The following HGF variants were observed in gnomAD, a reference collection of about 807,000 sequenced individuals.
The protein encoded by HGF is fibroblast-derived tumor cytotoxic factor.
In HGF, 39 loss-of-function variants were observed where a neutral mutation model predicts 111.6. The ratio of observed to expected loss-of-function variants is 0.35; its 90% CI spans 0.27 to 0.46. The LOEUF (loss-of-function observed/expected upper bound fraction) is 0.46. Ranked by LOEUF, HGF falls within the 20% of genes least tolerant of loss-of-function variation. HGF has a pLI of 1.00. For missense variants in HGF, 735 were observed against 910.5 expected (o/e 0.81, Z 2.48); for synonymous variants, 285 against 294.8 (o/e 0.97, Z 0.34).
At chr7:81,729,403 A>G (rs926187360) in intron 8 of HGF, among the ~76,000 whole-genome samples, 19 of 152,182 alleles carry the variant, frequency 1.2e-4, no homozygotes, top group Admixed American at 7.9e-4. Flanking sequence ...TAGGGTCCTT[A>G]ATGAAATGCA....
rs1301786183 is a variant in HGF, at chr7:81,707,458, AAT to A, written c.1542-96_1542-95del. The A allele has an allele frequency of 5.3e-6, 4 of 749,176 alleles. No homozygotes were observed. The East Asian group carries it at 1.0e-4, about 19-fold the overall frequency. 46.4% of individuals were successfully genotyped at this position (749,176 alleles called of 1,614,324 possible). ...CCTGTGGCTCCATTTGTTAAAAATA[AAT>A]ACACTGCAGAGGAAAATATAGAAAT... On this transcript the variant is annotated intron_variant, in intron 13 of 17. Coordinates refer to ENST00000222390, the MANE Select transcript of HGF (RefSeq NM_000601.6).
chr7:81,751,028 G>A (rs776755908), intron 5 of HGF: 74 of 984,566 alleles, frequency 7.5e-5, no homozygotes, highest in Middle Eastern at 1.0e-3. Flanking sequence ...AGCACATAAA[G>A]TCAAGGATTT....
At chr7:81,766,681 T>G (rs1789373727) in intron 1 of HGF, among the ~76,000 whole-genome samples, 1 of 152,134 alleles carries the variant, frequency 6.6e-6, no homozygotes, top group African/African-American at 2.4e-5. Flanking sequence ...CCTAGGTATT[T>G]TCTTCCTTCT....
intron 4 of HGF, among the ~76,000 whole-genome samples, chr7:81,754,403 T>C (rs1194467958): frequency 1.3e-5 from 2 of 151,948 alleles, no homozygotes; most frequent in African/African-American, 4.8e-5. Flanking sequence ...GATACACCCA[T>C]ATACCTTTCC....
chr7:81,713,374 A>C (rs914941422), intron 11 of HGF, among the ~76,000 whole-genome samples: 3 of 151,970 alleles, frequency 2.0e-5, no homozygotes, highest in African/African-American at 4.8e-5. Context: ...AAAATACAAA[A>C]AATCAGCCAG....
chr7:81,723,912 A>G (rs1789940844), intron 9 of HGF, among the ~76,000 whole-genome samples: 1 of 151,932 alleles, frequency 6.6e-6, no homozygotes, highest in Non-Finnish European at 1.5e-5. Flanking sequence ...ATCTATCTGT[A>G]GATATATCTG....
At chr7:81,703,130 A>G (rs1438768655) in intron 17 of HGF, among the ~76,000 whole-genome samples, 2 of 151,672 alleles carry the variant, frequency 1.3e-5, no homozygotes, top group East Asian at 3.9e-4. Flanking sequence ...TCTTATGTTC[A>G]ATATAGGAAA....
At chr7:81,744,934 G>A in intron 6 of HGF, 66 bp downstream of exon 6, 5 of 1,518,000 alleles carry the variant, frequency 3.3e-6, no homozygotes, top group Non-Finnish European at 4.6e-6. Flanking sequence ...TTCCACAGCA[G>A]TGTGTCATAG....
At position 81,758,819 on chromosome 7, in the gene HGF, A is replaced by C; in HGVS notation, c.255-15T>G. 1 of 1,506,066 alleles carries C rather than the reference A, an allele frequency of 6.6e-7. No individual in the cohort carries two copies. Among genetic ancestry groups the C allele is most frequent in the Non-Finnish European group, 9.2e-7 (1 of 1,082,474 alleles). 93.3% of individuals were successfully genotyped at this position (1,506,066 alleles called of 1,614,324 possible). ...AAACAAAAGCCCTGAAAAAAATATC[A>C]GAATGAAAAGAAGAAATACTACTAT... is the stretch of plus-strand genomic sequence containing the variant. On this transcript the variant is annotated splice_polypyrimidine_tract_variant and intron_variant, in intron 2 of 17. Transcript: ENST00000222390.
chr7:81,717,135 G>T, intron 11 of HGF, 97 bp downstream of exon 11: 2 of 1,233,776 alleles, frequency 1.6e-6, no homozygotes, highest in South Asian at 1.2e-5. Flanking sequence ...CCTCATTTGG[G>T]AATAAATGCC....
chr7:81,744,472 C>T (rs1407140817), intron 6 of HGF, among the ~76,000 whole-genome samples: 1 of 152,088 alleles, frequency 6.6e-6, no homozygotes, highest in Non-Finnish European at 1.5e-5. Context: ...CTTTTTACTC[C>T]CTATGACCAC....
Position 81,700,979 on chromosome 7 carries a change from T to C in HGF, c.*1602A>G, listed in dbSNP as rs887130141. On this transcript the variant is annotated 3_prime_UTR_variant, in exon 18 of 18. Coordinates refer to ENST00000222390, the MANE Select transcript of HGF (RefSeq NM_000601.6). ...ACTCAAGAAAACTAAGTCAGAGAAA[T>C]GGGACTACTGGATTCACACCATTCA... 7.9e-5 allele frequency: 12 copies of C among 151,568 alleles called. No individual in the cohort carries two copies. Among genetic ancestry groups the C allele is most frequent in the African/African-American group, 2.9e-4 (12 of 41,366 alleles). The allele number at this position is 151,568 out of a possible 1,614,324, so 9.4% of individuals were successfully genotyped here.
chr7:81,727,805 T>C (rs1290461136), intron 8 of HGF, among the ~76,000 whole-genome samples: 1 of 147,842 alleles, frequency 6.8e-6, no homozygotes, highest in Non-Finnish European at 1.5e-5. Context: ...GCTATCAAAG[T>C]CTTAGTTTGG....
At chr7:81,761,080 T>C (rs1789050743) in intron 2 of HGF, among the ~76,000 whole-genome samples, 1 of 152,160 alleles carries the variant, frequency 6.6e-6, no homozygotes, top group Admixed American at 6.5e-5. Flanking sequence ...TGTCCTCTCC[T>C]TCCCTTTTCC....
chr7:81,715,971 G>C (rs372839359), intron 11 of HGF, among the ~76,000 whole-genome samples: 1 of 152,034 alleles, frequency 6.6e-6, no homozygotes, highest in Admixed American at 6.6e-5. Flanking sequence ...AAGGATGTTC[G>C]TTGTAAACAT....
chr7:81,722,834 A>G (rs576648992), intron 9 of HGF, among the ~76,000 whole-genome samples: 2 of 136,402 alleles, frequency 1.5e-5, no homozygotes, highest in South Asian at 2.1e-4. Flanking sequence ...AAAAAAAAGA[A>G]ATTTAAAAAG....
intron 1 of HGF, among the ~76,000 whole-genome samples, chr7:81,764,435 C>T (rs932116447): frequency 2.0e-5 from 3 of 152,044 alleles, no homozygotes; most frequent in Non-Finnish European, 1.5e-5. Context: ...ACAACAGATA[C>T]AGTTTAAAAG....
At chr7:81,767,230 A>G (rs181465847) in intron 1 of HGF, among the ~76,000 whole-genome samples, 7 of 152,140 alleles carry the variant, frequency 4.6e-5, no homozygotes, top group Non-Finnish European at 1.0e-4. Flanking sequence ...CACTTGGCCA[A>G]ATGATTTTTT....
chr7:81,713,979 GGTGTGTGTGCGT>G (rs1346553331), intron 11 of HGF, among the ~76,000 whole-genome samples: 1 of 131,440 alleles, frequency 7.6e-6, no homozygotes, highest in Non-Finnish European at 1.6e-5. Flanking sequence ...GAAGGGTAGG[GGTGTGTGTGCGT>G]GTGTGTGTGT....
Sources: gnomAD v4.1 joint callset for allele counts (sites outside exome capture counted in the v4.1 genomes callset) on GRCh38, gnomAD v4.1.1 for gene constraint, MANE v1.5 for transcripts, NCBI Gene and HGNC (gene_info 2026-07-23, HGNC 2026-07-21) for gene names.